Variants in FAAH2 observed in about 807,000 individuals in gnomAD.
FAAH2 encodes fatty acid amide hydrolase 2.
Under a neutral mutation model 36.9 loss-of-function variants are expected in FAAH2, and 60 were observed. The ratio of observed to expected loss-of-function variants is 1.63; its 90% CI spans 1.32 to 2.02. The LOEUF (loss-of-function observed/expected upper bound fraction) is 2.02, where lower values mean the gene tolerates loss of function less well. FAAH2 is among the 30% of genes most tolerant of loss of function. FAAH2 has a pLI of 0.00. For missense variants in FAAH2, 689 were observed against 397.5 expected (o/e 1.73, Z -6.23); for synonymous variants, 214 against 143.8 (o/e 1.49, Z -3.49).
the FAAH2 span, among the ~76,000 whole-genome samples, chrX:57,220,636 A>G: frequency 8.9e-6 from 1 of 112,169 alleles, no homozygotes; most frequent in Admixed American, 9.4e-5. Flanking sequence ...GCTTGCCTCC[A>G]CCATCAGGGG....
At position 57,331,591 on chromosome X, in the gene FAAH2, C is replaced by G. The variant is rs756116169; in HGVS notation, c.413-7C>G. On this transcript the variant is annotated splice_polypyrimidine_tract_variant and splice_region_variant and intron_variant, in intron 3 of 10. Transcript: ENST00000374900. ...TTTTTAAACATTCTTTTCTGTGACT[C>G]TTTTAGGAATGCCCAATTCTTCTGG... 8.3e-7 allele frequency: 1 copy of G among 1,201,386 alleles called. No individual in the cohort carries two copies. The highest frequency in any genetic ancestry group is 3.0e-5 in the East Asian group (1 of 33,689).
At chrX:57,421,962 C>T (rs1220423921) in intron 7 of FAAH2, among the ~76,000 whole-genome samples, 1 of 111,937 alleles carries the variant, frequency 8.9e-6, no homozygotes, top group Non-Finnish European at 1.9e-5. Context: ...AGGCAAAGTC[C>T]TACAAACTAA....
At chrX:57,312,670 A>T (rs1221431692) in intron 3 of FAAH2, among the ~76,000 whole-genome samples, 1 of 62,317 alleles carries the variant, frequency 1.6e-5, no homozygotes, top group Non-Finnish European at 4.7e-5. Context: ...ACAAAACTCC[A>T]TCAAAAAAAA....
At chrX:57,478,490 A>G (rs903989791) in intron 10 of FAAH2, among the ~76,000 whole-genome samples, 1 of 111,498 alleles carries the variant, frequency 9.0e-6, no homozygotes, top group African/African-American at 3.3e-5. Flanking sequence ...TCTTTAGTTT[A>G]ATTAGATCCC....
intron 10 of FAAH2, among the ~76,000 whole-genome samples, chrX:57,456,393 A>G (rs2056866051): frequency 9.0e-6 from 1 of 111,586 alleles, no homozygotes; most frequent in African/African-American, 3.3e-5. Flanking sequence ...TAAACAAGAA[A>G]AAAGAACATC....
intron 7 of FAAH2, among the ~76,000 whole-genome samples, chrX:57,421,619 C>T (rs899809532): frequency 9.0e-6 from 1 of 111,056 alleles, no homozygotes; most frequent in Non-Finnish European, 1.9e-5. Flanking sequence ...ATATTAAAGC[C>T]TCACTCTTAT....
the FAAH2 span, among the ~76,000 whole-genome samples, chrX:57,174,089 T>C: frequency 1.5e-4 from 17 of 111,398 alleles, no homozygotes; most frequent in African/African-American, 5.2e-4. Flanking sequence ...TAAAATAACT[T>C]AGGGAGGATA....
chrX:57,157,508 T>C, the FAAH2 span, among the ~76,000 whole-genome samples: 2 of 111,508 alleles, frequency 1.8e-5, no homozygotes, highest in Non-Finnish European at 3.8e-5. Flanking sequence ...AAGGTGGCAC[T>C]GGGTTCCCAT....
intron 10 of FAAH2, among the ~76,000 whole-genome samples, chrX:57,456,577 C>T (rs2056868498): frequency 9.0e-6 from 1 of 111,410 alleles, no homozygotes; most frequent in African/African-American, 3.3e-5. Flanking sequence ...AATAAAGATC[C>T]AAATGAGCAC....
At chrX:57,279,794 C>A in the FAAH2 span, among the ~76,000 whole-genome samples, 1 of 111,593 alleles carries the variant, frequency 9.0e-6, no homozygotes, top group African/African-American at 3.3e-5. Context: ...ATTAAACATT[C>A]CTTCATGTTA....
chrX:57,128,841 AGT>A, the FAAH2 span, among the ~76,000 whole-genome samples: 1 of 111,880 alleles, frequency 8.9e-6, no homozygotes. Context: ...TTTATATTCT[AGT>A]GGAGTAAGAC....
At chrX:57,397,555 A>T (rs1488451423) in intron 7 of FAAH2, among the ~76,000 whole-genome samples, 1 of 110,388 alleles carries the variant, frequency 9.1e-6, no homozygotes, top group Non-Finnish European at 1.9e-5. Context: ...AAAATTCTTT[A>T]CTGGCATTTT....
chrX:57,301,436 G>A (rs1172626789), intron 2 of FAAH2, among the ~76,000 whole-genome samples: 1 of 90,743 alleles, frequency 1.1e-5, no homozygotes, highest in East Asian at 3.9e-4. Flanking sequence ...CACAGGAAGG[G>A]GAACATCAGA....
chrX:57,324,913 G>C (rs1196203315), intron 3 of FAAH2, among the ~76,000 whole-genome samples: 2 of 112,102 alleles, frequency 1.8e-5, no homozygotes, highest in Non-Finnish European at 3.8e-5. Flanking sequence ...TCCCTGTCTT[G>C]TGCCAGTTTC....
At chrX:57,146,005 T>A in the FAAH2 span, among the ~76,000 whole-genome samples, 1 of 107,550 alleles carries the variant, frequency 9.3e-6, no homozygotes, top group East Asian at 3.0e-4. Context: ...GCCTCCAAAT[T>A]TTTTTTTTTC....
chrX:57,360,754 C>A (rs965553168), intron 5 of FAAH2, among the ~76,000 whole-genome samples: 2 of 110,964 alleles, frequency 1.8e-5, no homozygotes, highest in Non-Finnish European at 1.9e-5. Flanking sequence ...TGGTTTGCTG[C>A]ACCTATCAAC....
intron 1 of FAAH2, among the ~76,000 whole-genome samples, chrX:57,289,611 C>T (rs1029384149): frequency 1.8e-5 from 2 of 110,792 alleles, no homozygotes; most frequent in African/African-American, 3.3e-5. Flanking sequence ...ATTTTTGAAA[C>T]GTGTGCTCAT....
intron 10 of FAAH2, chrX:57,452,471 A>G (rs1204902624): frequency 4.3e-6 from 1 of 232,032 alleles, no homozygotes; most frequent in Non-Finnish European, 6.1e-6. Context: ...TAAGCTAGAC[A>G]CACAAAATGA....
At chrX:57,150,920 A>C in the FAAH2 span, among the ~76,000 whole-genome samples, 1 of 112,025 alleles carries the variant, frequency 8.9e-6, no homozygotes, top group African/African-American at 3.2e-5. Context: ...TTCCATGTTT[A>C]GTGCTTCCTT....
Sources: gnomAD v4.1 joint callset for allele counts (sites outside exome capture counted in the v4.1 genomes callset) on GRCh38, gnomAD v4.1.1 for gene constraint, MANE v1.5 for transcripts, NCBI Gene and HGNC (gene_info 2026-07-23, HGNC 2026-07-21) for gene names.